Variants in OPCML observed in about 807,000 individuals in gnomAD.
OPCML encodes the protein opioid binding protein/cell adhesion molecule like, also known as opioid-binding protein/cell adhesion molecule.
Under a neutral mutation model 37.8 loss-of-function variants are expected in OPCML, and 13 were observed. The observed-to-expected ratio is 0.34, with a 90% CI of 0.22 to 0.55. The LOEUF is 0.55. OPCML is among the 20% of genes least tolerant of loss of function. OPCML has a pLI of 0.91. For missense variants in OPCML, 341 were observed against 435.6 expected (o/e 0.78, Z 1.93); for synonymous variants, 176 against 168.8 (o/e 1.04, Z -0.33).
intron 4 of OPCML, among the ~76,000 whole-genome samples, chr11:132,480,466 C>T (rs1207038679): frequency 6.6e-6 from 1 of 152,182 alleles, no homozygotes; most frequent in Admixed American, 6.5e-5. Flanking sequence ...TCCAGGAGAA[C>T]TTCCCCAATC....
chr11:133,434,895 A>G (rs1478783329), intron 1 of OPCML, among the ~76,000 whole-genome samples: 1 of 149,046 alleles, frequency 6.7e-6, no homozygotes, highest in Non-Finnish European at 1.5e-5. Flanking sequence ...TACTTTTTAA[A>G]ATAACATTTA....
intron 1 of OPCML, among the ~76,000 whole-genome samples, chr11:133,010,899 C>G (rs1025351134): frequency 5.3e-5 from 8 of 152,122 alleles, no homozygotes; most frequent in African/African-American, 1.9e-4. Context: ...TTGTAACAAT[C>G]AACAGGGAAT....
At chr11:132,748,063 C>CCT (rs1555183589) in intron 2 of OPCML, among the ~76,000 whole-genome samples, 130 of 140,496 alleles carry the variant, frequency 9.3e-4, no homozygotes, top group Non-Finnish European at 1.7e-3. Context: ...AGCTGCTTGT[C>CCT]TTTTTTTTTT....
intron 1 of OPCML, among the ~76,000 whole-genome samples, chr11:133,364,311 T>C (rs139397985): frequency 6.6e-6 from 1 of 152,322 alleles, no homozygotes; most frequent in African/African-American, 2.4e-5. Flanking sequence ...AAGTAGATAT[T>C]AATATTTTCA....
At chr11:132,572,679 AGT>A (rs890350648) in intron 3 of OPCML, among the ~76,000 whole-genome samples, 1 of 152,140 alleles carries the variant, frequency 6.6e-6, no homozygotes, top group African/African-American at 2.4e-5. Flanking sequence ...GAAATCAAGA[AGT>A]GTGATACCTC....
chr11:132,747,640 A>T (rs891409931), intron 2 of OPCML, among the ~76,000 whole-genome samples: 8 of 152,172 alleles, frequency 5.3e-5, no homozygotes, highest in Admixed American at 5.2e-4. Flanking sequence ...ACTGCGATTG[A>T]CTGCATCTTT....
At chr11:133,532,199 C>A (rs1166295520) in intron 1 of OPCML, 65 bp downstream of exon 1, 4 of 1,579,238 alleles carry the variant, frequency 2.5e-6, no homozygotes, top group Non-Finnish European at 3.4e-6. Flanking sequence ...CTCCCCACTG[C>A]CTCTCCTGCT....
chr11:133,143,288 T>C (rs922971265), intron 1 of OPCML, among the ~76,000 whole-genome samples: 1 of 152,198 alleles, frequency 6.6e-6, no homozygotes, highest in Non-Finnish European at 1.5e-5. Context: ...CCCTTCCATT[T>C]TGGTGGAACA....
chr11:132,558,329 C>G (rs1591548279), intron 3 of OPCML, among the ~76,000 whole-genome samples: 1 of 47,832 alleles, frequency 2.1e-5, no homozygotes, highest in African/African-American at 9.0e-5. Flanking sequence ...TCCCCTCTCC[C>G]CCCCTCCTCC....
chr11:132,622,798 TG>T (rs747985228), intron 3 of OPCML, among the ~76,000 whole-genome samples: 1 of 152,158 alleles, frequency 6.6e-6, no homozygotes, highest in Non-Finnish European at 1.5e-5. Context: ...GTGTTGATCC[TG>T]GTTGCAAGCA....
At chr11:132,931,478 A>G (rs933417362) in intron 2 of OPCML, among the ~76,000 whole-genome samples, 5 of 152,192 alleles carry the variant, frequency 3.3e-5, no homozygotes, top group African/African-American at 9.6e-5. Flanking sequence ...AAACAAAGAA[A>G]CAATCCAGTT....
intron 1 of OPCML, among the ~76,000 whole-genome samples, chr11:133,517,694 G>A (rs920890186): frequency 6.6e-6 from 1 of 152,222 alleles, no homozygotes; most frequent in Non-Finnish European, 1.5e-5. Context: ...CAGGGTCCAA[G>A]CAGCAGTGAG....
At chr11:133,433,077 A>G (rs1322599799) in intron 1 of OPCML, among the ~76,000 whole-genome samples, 1 of 152,002 alleles carries the variant, frequency 6.6e-6, no homozygotes, top group Non-Finnish European at 1.5e-5. Context: ...TCTGTTTTGT[A>G]TCCATCTATT....
At chr11:133,295,510 A>G (rs976870337) in intron 1 of OPCML, among the ~76,000 whole-genome samples, 3 of 152,220 alleles carry the variant, frequency 2.0e-5, no homozygotes, top group Non-Finnish European at 4.4e-5. Context: ...GGAAATTACA[A>G]ATAAGCAAAA....
intron 1 of OPCML, among the ~76,000 whole-genome samples, chr11:133,275,494 C>G (rs536935209): frequency 6.6e-6 from 1 of 152,278 alleles, no homozygotes; most frequent in African/African-American, 2.4e-5. Flanking sequence ...TCATTCCTCA[C>G]AGGCGTGGGA....
chr11:133,429,848 TGTTGAGAAG>T (rs1248818293), intron 1 of OPCML, among the ~76,000 whole-genome samples: 5 of 152,086 alleles, frequency 3.3e-5, no homozygotes, highest in African/African-American at 1.2e-4. Flanking sequence ...TAGGTGGAAA[TGTTGAGAAG>T]GTTGTTGTAT....
intron 2 of OPCML, among the ~76,000 whole-genome samples, chr11:132,934,966 C>G (rs1183205802): frequency 6.6e-6 from 1 of 151,864 alleles, no homozygotes; most frequent in Non-Finnish European, 1.5e-5. Flanking sequence ...ATAGAGAAAC[C>G]CCTTCTGTAC....
At chr11:133,469,431 G>A (rs1947054661) in intron 1 of OPCML, among the ~76,000 whole-genome samples, 1 of 152,166 alleles carries the variant, frequency 6.6e-6, no homozygotes, top group African/African-American at 2.4e-5. Flanking sequence ...ACCTAGGTGT[G>A]TATAAGTGCA....
chr11:133,209,928 A>G (rs547744362), intron 1 of OPCML, among the ~76,000 whole-genome samples: 6 of 152,362 alleles, frequency 3.9e-5, no homozygotes, highest in Admixed American at 2.6e-4. Flanking sequence ...AACCTGCTAG[A>G]TATTCAGGAG....
Sources: allele counts gnomAD v4.1 joint callset (sites outside exome capture counted in the v4.1 genomes callset), GRCh38; gene constraint gnomAD v4.1.1; transcripts MANE v1.5; gene names NCBI Gene and HGNC (gene_info 2026-07-23, HGNC 2026-07-21).